The following ULK4 variants were observed in gnomAD, a reference collection of about 807,000 sequenced individuals.
The protein encoded by ULK4 is unc-51 like kinase 4.
A neutral mutation model predicts 160.6 loss-of-function variants in ULK4; 133 were observed. The ratio of observed to expected loss-of-function variants is 0.83; its 90% CI spans 0.72 to 0.96. The LOEUF is 0.96. Ranked by LOEUF, ULK4 falls within the 40% of genes least tolerant of loss-of-function variation. The pLI, the probability that ULK4 is intolerant of heterozygous loss-of-function variation, is 0.00. For missense variants in ULK4, 1,580 were observed against 1,499.5 expected (o/e 1.05, Z -0.89); for synonymous variants, 534 against 539.8 (o/e 0.99, Z 0.15).
chr3:41,517,753 A>G (rs985495411), intron 32 of ULK4, among the ~76,000 whole-genome samples: 1 of 152,208 alleles, frequency 6.6e-6, no homozygotes, highest in Non-Finnish European at 1.5e-5. Context: ...TCTGCCACTC[A>G]GGGCTGTCTC....
intron 32 of ULK4, among the ~76,000 whole-genome samples, chr3:41,499,995 T>C (rs1291627058): frequency 6.6e-6 from 1 of 152,202 alleles, no homozygotes; most frequent in Non-Finnish European, 1.5e-5. Context: ...CCTTTATTCT[T>C]TCTCCAGTCA....
At chr3:41,909,681 C>T (rs1296146196) in intron 11 of ULK4, among the ~76,000 whole-genome samples, 1 of 150,966 alleles carries the variant, frequency 6.6e-6, no homozygotes, top group Non-Finnish European at 1.5e-5. Flanking sequence ...TGCCACTGCA[C>T]TCCAGCCTGG....
intron 17 of ULK4, among the ~76,000 whole-genome samples, chr3:41,839,878 A>G (rs1184902173): frequency 6.6e-6 from 1 of 152,206 alleles, no homozygotes; most frequent in Non-Finnish European, 1.5e-5. Context: ...CAAAACAGGT[A>G]CAGGATTTGT....
intron 21 of ULK4, among the ~76,000 whole-genome samples, chr3:41,772,251 A>C (rs2039414802): frequency 6.6e-6 from 1 of 152,198 alleles, no homozygotes; most frequent in Non-Finnish European, 1.5e-5. Flanking sequence ...AGACACAAAA[A>C]ACCCTTCAAA....
chr3:41,854,490 G>A (rs78512214), intron 17 of ULK4, among the ~76,000 whole-genome samples: 366 of 152,300 alleles, frequency 2.4e-3, no homozygotes, highest in African/African-American at 7.8e-3. Flanking sequence ...GCCACAGTGA[G>A]TCAAAGGGCA....
At position 41,935,815 on chromosome 3, in the gene ULK4, TGTCACAAAAGAGAATGCCAA is replaced by T; in HGVS notation, c.344_363del (p.Leu115HisfsTer4). 1 of 1,609,518 alleles carries T rather than the reference TGTCACAAAAGAGAATGCCAA, an allele frequency of 6.2e-7. No individual in the cohort carries two copies. Among genetic ancestry groups the T allele is most frequent in the Non-Finnish European group, 8.5e-7 (1 of 1,178,548 alleles). Reference sequence around the variant, plus strand: ...TCATGAATTACCTTCCTAGGAGAAATGTCACAAAAGAGAATGCCAAGTTTATGAAGATGATGTAATCCACT... The same window carrying T: ...TCATGAATTACCTTCCTAGGAGAAATGTTTATGAAGATGATGTAATCCACT... On this transcript the variant is annotated frameshift_variant, in exon 4 of 37. Transcript: ENST00000301831. LOFTEE classifies it high-confidence loss of function.
chr3:41,803,086 A>G (rs2040515598), intron 19 of ULK4, among the ~76,000 whole-genome samples: 1 of 151,488 alleles, frequency 6.6e-6, no homozygotes. Context: ...AATTGCTTGA[A>G]CCAGGACCCA....
At chr3:41,839,792 TAAACACATG>T in intron 17 of ULK4, among the ~76,000 whole-genome samples, 1 of 152,024 alleles carries the variant, frequency 6.6e-6, no homozygotes, top group Admixed American at 6.6e-5. Context: ...ATATTGGCAA[TAAACACATG>T]GAAACTGAAA....
rs183945476 is a variant in ULK4 at position 41,359,016 on chromosome 3, G to A, written c.3678+39063C>T. ...CCAACAAAATGGGTTGGTAAACGGGGTGGAGTGTGAGAGAGGGAAGAGTTA... is the reference window on the plus strand; with the variant it reads ...CCAACAAAATGGGTTGGTAAACGGGATGGAGTGTGAGAGAGGGAAGAGTTA... On this transcript the variant is annotated intron_variant, in intron 35 of 36. Transcript: ENST00000301831. Among the ~76,000 whole-genome samples the A allele has an allele frequency of 3.9e-5, 6 of 152,334 alleles. No individual in the cohort carries two copies. In the East Asian group the frequency reaches 1.2e-3, roughly 29 times the overall value.
chr3:41,562,596 C>T (rs1053635972), intron 32 of ULK4, among the ~76,000 whole-genome samples: 2 of 152,020 alleles, frequency 1.3e-5, no homozygotes, highest in African/African-American at 4.8e-5. Context: ...TGTTGAATCA[C>T]CCTTTACCAT....
At chr3:41,631,577 T>C (rs576919380) in intron 30 of ULK4, among the ~76,000 whole-genome samples, 1 of 152,220 alleles carries the variant, frequency 6.6e-6, no homozygotes, top group African/African-American at 2.4e-5. Context: ...TCCAACAGAA[T>C]GGAGATTTTA....
At chr3:41,373,834 C>G (rs754396104) in intron 35 of ULK4, among the ~76,000 whole-genome samples, 3 of 152,048 alleles carry the variant, frequency 2.0e-5, no homozygotes, top group Non-Finnish European at 4.4e-5. Flanking sequence ...TTCAAAAAAT[C>G]AATGAATCCA....
intron 35 of ULK4, among the ~76,000 whole-genome samples, chr3:41,282,944 A>AAACG (rs1001644450): frequency 1.1e-4 from 17 of 152,232 alleles, no homozygotes; most frequent in African/African-American, 4.1e-4. Context: ...AAACTTAAAC[A>AAACG]AATTTACAAG....
intron 32 of ULK4, among the ~76,000 whole-genome samples, chr3:41,565,616 A>G (rs936599923): frequency 6.6e-6 from 1 of 152,204 alleles, no homozygotes; most frequent in African/African-American, 2.4e-5. Flanking sequence ...AGAGTCTCCA[A>G]CAGCATGATG....
chr3:41,925,836 G>T (rs1699367527), intron 5 of ULK4, among the ~76,000 whole-genome samples: 1 of 152,138 alleles, frequency 6.6e-6, no homozygotes, highest in African/African-American at 2.4e-5. Flanking sequence ...AAAAAAAAAG[G>T]CAGCAGCCCC....
chr3:41,315,659 T>G (rs979068568), intron 35 of ULK4, among the ~76,000 whole-genome samples: 8 of 152,142 alleles, frequency 5.3e-5, no homozygotes, highest in Non-Finnish European at 8.8e-5. Flanking sequence ...GAAACCCTAC[T>G]CTAGGCTGGT....
At chr3:41,619,616 G>A (rs112770720) in intron 30 of ULK4, among the ~76,000 whole-genome samples, 3 of 152,090 alleles carry the variant, frequency 2.0e-5, no homozygotes, top group Admixed American at 6.6e-5. Flanking sequence ...AGCTAAAGCA[G>A]TGCTTACAGG....
In ULK4 at chr3:41,505,093, C is replaced by A. The variant is rs546013216; in HGVS notation, c.3227-41840G>T. Reference sequence around the variant, plus strand: ...TGACTGAATCTAAGGTACACATATACCAGTAAGCTACTATCTGCATATATA... The same window carrying A: ...TGACTGAATCTAAGGTACACATATAACAGTAAGCTACTATCTGCATATATA... On this transcript the variant is annotated intron_variant, in intron 32 of 36. Coordinates refer to ENST00000301831, the MANE Select transcript of ULK4 (RefSeq NM_017886.4). Among the ~76,000 whole-genome samples the A allele has an allele frequency of 2.0e-5, 3 of 152,196 alleles. No homozygotes were observed. The East Asian group carries it at 5.8e-4, about 29-fold the overall frequency.
intron 6 of ULK4, 68 bp downstream of exon 6, chr3:41,919,649 T>C: frequency 7.6e-7 from 1 of 1,315,202 alleles, no homozygotes; most frequent in Non-Finnish European, 1.1e-6. Context: ...GTAAAACATC[T>C]GCAAAGTACA....
Sources: allele counts gnomAD v4.1 joint callset (sites outside exome capture counted in the v4.1 genomes callset), GRCh38; gene constraint gnomAD v4.1.1; transcripts MANE v1.5; gene names NCBI Gene and HGNC (gene_info 2026-07-23, HGNC 2026-07-21).